Variants in CEP120 observed in about 807,000 individuals in gnomAD.
The protein encoded by CEP120 is centrosomal protein of 120 kDa.
CEP120 carries 113 observed loss-of-function variants against 126.5 expected under a neutral mutation model. That is an observed-to-expected ratio of 0.89 (90% CI 0.77 to 1.04). The LOEUF (loss-of-function observed/expected upper bound fraction) is 1.04, where lower values mean the gene tolerates loss of function less well. Ranked by LOEUF, CEP120 falls within the 50% of genes least tolerant of loss-of-function variation. CEP120 has a pLI of 0.00. For synonymous variants in CEP120, 400 were observed against 394.3 expected (o/e 1.01, Z -0.17); for missense variants, 1,230 against 1,155.7 (o/e 1.06, Z -0.93).
intron 16 of CEP120, among the ~76,000 whole-genome samples, chr5:123,376,374 G>A (rs769913548): frequency 2.0e-5 from 3 of 152,014 alleles, no homozygotes; most frequent in Admixed American, 2.0e-4. Context: ...GAACTTGAGG[G>A]CAGACAAGCA....
At chr5:123,371,065 T>TTACC (rs1373796138) in intron 17 of CEP120, among the ~76,000 whole-genome samples, 1 of 152,038 alleles carries the variant, frequency 6.6e-6, no homozygotes, top group African/African-American at 2.4e-5. Context: ...TGGCCAAAAA[T>TTACC]TACCTTTACT....
At chr5:123,387,311 G>A (rs1283617217) in intron 9 of CEP120, among the ~76,000 whole-genome samples, 4 of 152,070 alleles carry the variant, frequency 2.6e-5, no homozygotes, top group Non-Finnish European at 5.9e-5. Context: ...ATTCTATGTA[G>A]TCACCCAATT....
At chr5:123,375,181 T>C (rs533126708) in intron 16 of CEP120, among the ~76,000 whole-genome samples, 1 of 152,060 alleles carries the variant, frequency 6.6e-6, no homozygotes, top group East Asian at 1.9e-4. Flanking sequence ...TCCTACCCCC[T>C]TTTTTTCCCC....
intron 1 of CEP120, among the ~76,000 whole-genome samples, chr5:123,422,246 C>A (rs961289893): frequency 6.6e-6 from 1 of 152,114 alleles, no homozygotes; most frequent in African/African-American, 2.4e-5. Flanking sequence ...CTGTAGGACC[C>A]CAAAAAATGC....
chr5:123,387,124 C>A (rs1772086536), intron 9 of CEP120, among the ~76,000 whole-genome samples: 2 of 152,078 alleles, frequency 1.3e-5, no homozygotes, highest in South Asian at 2.1e-4. Context: ...CCTTTCATCA[C>A]AAAGCCATGC....
chr5:123,377,842 T>A (rs1002954737), intron 15 of CEP120, among the ~76,000 whole-genome samples: 4 of 152,118 alleles, frequency 2.6e-5, no homozygotes, highest in African/African-American at 9.6e-5. Context: ...ATGCCCAAGT[T>A]TCTTTTCTTC....
At chr5:123,376,527 AAGAGG>A (rs1259404548) in intron 16 of CEP120, among the ~76,000 whole-genome samples, 1 of 152,102 alleles carries the variant, frequency 6.6e-6, no homozygotes, top group Non-Finnish European at 1.5e-5. Context: ...AAAGGTTTTA[AAGAGG>A]AGAGTATCAA....
At chr5:123,404,200 TTCACAACGAAAAC>T (rs1288304496) in intron 4 of CEP120, among the ~76,000 whole-genome samples, 1 of 152,214 alleles carries the variant, frequency 6.6e-6, no homozygotes, top group Non-Finnish European at 1.5e-5. Context: ...CTGAGATTAT[TTCACAACGAAAAC>T]AAATTCTTAA....
In CEP120 at chr5:123,367,315, A is replaced by G. The variant is rs765087350; in HGVS notation, c.2482-2721T>C. Among the ~76,000 whole-genome samples, 36 of 152,006 alleles carry G rather than the reference A, an allele frequency of 2.4e-4. 1 individual carries two copies. Among genetic ancestry groups the G allele is most frequent in the African/African-American group, 5.8e-4 (24 of 41,506 alleles). On this transcript the variant is annotated intron_variant, in intron 17 of 19. Coordinates refer to ENST00000306467, the MANE Select transcript of CEP120 (RefSeq NM_001375405.1). ...TTAAAAATATTTATGTTCTTTCAAT[A>G]TATCTTCAGTCTTTTCCACCTATGT... is the stretch of plus-strand genomic sequence containing the variant.
chr5:123,371,853 A>G (rs1386835780), intron 17 of CEP120, among the ~76,000 whole-genome samples: 1 of 152,124 alleles, frequency 6.6e-6, no homozygotes, highest in Non-Finnish European at 1.5e-5. Context: ...TGGCTGGCAC[A>G]ATTAAATCCT....
intron 1 of CEP120, among the ~76,000 whole-genome samples, chr5:123,418,779 TAG>T (rs1056419002): frequency 9.9e-5 from 15 of 152,102 alleles, no homozygotes; most frequent in Non-Finnish European, 2.1e-4. Flanking sequence ...GTATTTTTAG[TAG>T]AGACAGGGTT....
In CEP120 at chr5:123,388,521, T is replaced by A; in HGVS notation, c.1341A>T (p.Val447=). Reference sequence around the variant, plus strand: ...AGCAAAAATGATGTGATGTTGCTGGTACAGCAATCTTCTGTCCTGAAGCTA... The same window carrying A: ...AGCAAAAATGATGTGATGTTGCTGGAACAGCAATCTTCTGTCCTGAAGCTA... ...SEVASGQKIA[V]PATSHHFCFS... is the part of the protein sequence containing the mutation. The change falls in exon 9 of 20, where the codon GTA becomes GTT. Residue 447 remains valine, a synonymous_variant. Coordinates refer to ENST00000306467, the MANE Select transcript of CEP120 (RefSeq NM_001375405.1). 2 of 1,610,796 alleles carry A rather than the reference T, an allele frequency of 1.2e-6. No homozygotes were observed. Among genetic ancestry groups the A allele is most frequent in the Non-Finnish European group, 1.7e-6 (2 of 1,178,552 alleles).
At chr5:123,399,107 T>C in intron 5 of CEP120, 29 bp downstream of exon 5, 1 of 1,502,058 alleles carries the variant, frequency 6.7e-7, no homozygotes, top group Non-Finnish European at 9.0e-7. Flanking sequence ...AAATTATTCG[T>C]AAGTCACCAA....
chr5:123,398,089 G>A (rs527634587), intron 5 of CEP120, among the ~76,000 whole-genome samples: 60 of 152,194 alleles, frequency 3.9e-4, no homozygotes, highest in African/African-American at 1.3e-3. Flanking sequence ...TCTCTTAGGG[G>A]AAAAAGTGGG....
chr5:123,348,963 T>C (rs1769015993), intron 19 of CEP120, among the ~76,000 whole-genome samples: 1 of 152,134 alleles, frequency 6.6e-6, no homozygotes, highest in African/African-American at 2.4e-5. Flanking sequence ...ACCCAGTCTG[T>C]GGTATTTTTT....
chr5:123,349,564 C>A (rs1769059541), intron 19 of CEP120, among the ~76,000 whole-genome samples: 1 of 152,064 alleles, frequency 6.6e-6, no homozygotes, highest in Non-Finnish European at 1.5e-5. Context: ...AATGGAAACA[C>A]AAGAGCTGAA....
intron 1 of CEP120, chr5:123,422,533 T>C (rs1562106748): frequency 1.3e-6 from 2 of 1,535,434 alleles, no homozygotes; most frequent in East Asian, 4.9e-5. Flanking sequence ...GCAAGACGTG[T>C]AAAGGGAATT....
At chr5:123,370,884 G>A (rs1770808873) in intron 17 of CEP120, among the ~76,000 whole-genome samples, 1 of 151,436 alleles carries the variant, frequency 6.6e-6, no homozygotes, top group Non-Finnish European at 1.5e-5. Flanking sequence ...GGAATTACAG[G>A]CATGAGCCAC....
At chr5:123,397,299 G>C (rs973930868) in intron 5 of CEP120, among the ~76,000 whole-genome samples, 3 of 152,150 alleles carry the variant, frequency 2.0e-5, no homozygotes, top group African/African-American at 7.2e-5. Context: ...ACTCCAGCCT[G>C]GGTGACAAGA....
Sources: allele counts gnomAD v4.1 joint callset (sites outside exome capture counted in the v4.1 genomes callset), GRCh38; gene constraint gnomAD v4.1.1; transcripts MANE v1.5; gene names NCBI Gene and HGNC (gene_info 2026-07-23, HGNC 2026-07-21).